MOB1B: variants seen among roughly 807,000 people sequenced by gnomAD.
The protein encoded by MOB1B is MOB kinase activator 1B, also known as MOB1 Mps One Binder homolog B.
MOB1B carries 19 observed loss-of-function variants against 24.4 expected under a neutral mutation model. The ratio of observed to expected loss-of-function variants is 0.78; its 90% confidence interval spans 0.54 to 1.14. MOB1B has a LOEUF of 1.14. Ranked by LOEUF, MOB1B falls within the 50% of genes most tolerant of loss-of-function variation. The pLI, the probability that MOB1B is intolerant of heterozygous loss-of-function variation, is 0.00. For synonymous variants in MOB1B, 76 were observed against 82.1 expected, an observed-to-expected ratio of 0.93 and a Z score of 0.40; for missense variants, 243 against 259.6, an observed-to-expected ratio of 0.94 and a Z score of 0.44.
At chr4:70,976,753 C>CATATATACATATATATATATATATAT (rs1553939768) in intron 4 of MOB1B, 6 of 181,616 alleles carry the variant, frequency 3.3e-5, no homozygotes, top group African/African-American at 1.8e-4. Flanking sequence ...GACTGAATTA[C>CATATATACATATATATATATATATAT]ATATATATAT....
intron 1 of MOB1B, among the ~76,000 whole-genome samples, chr4:70,908,184 C>T (rs1440200757): frequency 6.6e-6 from 1 of 151,542 alleles, no homozygotes; most frequent in African/African-American, 2.4e-5. Context: ...CACCACCATG[C>T]CCGGCTACTT....
chr4:70,903,129 C>T (rs901979003), intron 1 of MOB1B, among the ~76,000 whole-genome samples: 1 of 152,144 alleles, frequency 6.6e-6, no homozygotes, highest in Non-Finnish European at 1.5e-5. Context: ...TGGACACAGA[C>T]GGGGGTCCCT....
At chr4:70,968,045 C>G (rs115239733) in intron 2 of MOB1B, among the ~76,000 whole-genome samples, 1 of 152,102 alleles carries the variant, frequency 6.6e-6, no homozygotes, top group South Asian at 2.1e-4. Context: ...TGGGATTTTA[C>G]TGTGTTGCCC....
chr4:70,901,963 G>A (rs768073558), upstream of MOB1B, among the ~76,000 whole-genome samples: 88 of 152,266 alleles, frequency 5.8e-4, no homozygotes, highest in Admixed American at 2.0e-3. Flanking sequence ...CACCGCCCTT[G>A]GCCGGACACT....
intron 2 of MOB1B, among the ~76,000 whole-genome samples, chr4:70,966,913 T>C (rs1006574375): frequency 6.6e-6 from 1 of 151,466 alleles, no homozygotes; most frequent in Admixed American, 6.6e-5. Flanking sequence ...TTAGCCAAAA[T>C]CAAGGAGAAA....
At chr4:70,949,199 G>C (rs924309193) in intron 1 of MOB1B, among the ~76,000 whole-genome samples, 4 of 152,182 alleles carry the variant, frequency 2.6e-5, no homozygotes, top group African/African-American at 7.2e-5. Flanking sequence ...ATAGCAGATA[G>C]TGTTCTTTCT....
At chr4:70,954,100 T>G (rs1276175236) in intron 1 of MOB1B, among the ~76,000 whole-genome samples, 1 of 152,202 alleles carries the variant, frequency 6.6e-6, no homozygotes, top group Non-Finnish European at 1.5e-5. Flanking sequence ...AATTTTCTTT[T>G]AAACTTGATG....
At chr4:70,953,749 G>A (rs1457554105) in intron 1 of MOB1B, among the ~76,000 whole-genome samples, 1 of 152,156 alleles carries the variant, frequency 6.6e-6, no homozygotes, top group Non-Finnish European at 1.5e-5. Flanking sequence ...TTCGAGACTA[G>A]CCTGAACAAC....
At chr4:70,936,547 A>T (rs769673720) in intron 1 of MOB1B, among the ~76,000 whole-genome samples, 13 of 151,908 alleles carry the variant, frequency 8.6e-5, no homozygotes, top group African/African-American at 1.2e-4. Flanking sequence ...GAGTTTTTTG[A>T]CCTGCTCCAG....
intron 1 of MOB1B, among the ~76,000 whole-genome samples, chr4:70,919,544 G>A (rs904854617): frequency 6.6e-6 from 1 of 152,210 alleles, no homozygotes; most frequent in African/African-American, 2.4e-5. Flanking sequence ...TGTTGCCCAG[G>A]CTGGAGTGCA....
intron 1 of MOB1B, among the ~76,000 whole-genome samples, chr4:70,904,683 C>T (rs1735667344): frequency 6.7e-6 from 1 of 149,156 alleles, no homozygotes; most frequent in Non-Finnish European, 1.5e-5. Flanking sequence ...CACTTGAACC[C>T]GGGAGGTAGA....
At chr4:70,939,828 C>G (rs1285157260) in intron 1 of MOB1B, among the ~76,000 whole-genome samples, 5 of 152,164 alleles carry the variant, frequency 3.3e-5, no homozygotes, top group Non-Finnish European at 7.3e-5. Context: ...GAGTTCTTGC[C>G]TTGGTGTACA....
chr4:70,940,474 T>A (rs898731388), intron 1 of MOB1B, among the ~76,000 whole-genome samples: 27 of 152,126 alleles, frequency 1.8e-4, no homozygotes, highest in African/African-American at 6.3e-4. Flanking sequence ...ATATCTGTTA[T>A]GTGTTTTCCT....
intron 1 of MOB1B, among the ~76,000 whole-genome samples, chr4:70,929,964 A>G (rs1456435873): frequency 2.0e-5 from 3 of 152,222 alleles, no homozygotes; most frequent in Admixed American, 6.5e-5. Flanking sequence ...TATGTTGCCC[A>G]GGGTGGTCTT....
chr4:70,948,049 G>T (rs1737657223), intron 1 of MOB1B, among the ~76,000 whole-genome samples: 1 of 152,146 alleles, frequency 6.6e-6, no homozygotes, highest in African/African-American at 2.4e-5. Context: ...AAGTTTTATA[G>T]TATTGTGTTG....
rs1199091845 is a variant in MOB1B, at chr4:70,981,858, AT to A, written c.574-121del. On this transcript the variant is annotated intron_variant, in intron 5 of 5. Coordinates refer to ENST00000309395, the MANE Select transcript of MOB1B (RefSeq NM_173468.4). ...CACAGACCTAGTGAACAAGAAAAAA[AT>A]AATCTACTTTTATGTACTTCAAAAG... 81 of 657,598 alleles carry A rather than the reference AT, an allele frequency of 1.2e-4. No individual in the cohort carries two copies. In the East Asian group the frequency reaches 2.2e-3, roughly 18 times the overall value. 40.7% of individuals were successfully genotyped at this position (657,598 alleles called of 1,614,324 possible).
intron 1 of MOB1B, 192 bp from the exon 2 acceptor site, chr4:70,958,682 T>A (rs1160801148): frequency 2.8e-6 from 2 of 713,666 alleles, no homozygotes; most frequent in African/African-American, 3.4e-5. Flanking sequence ...AGCTTAAAAA[T>A]TTTTCTTTTT....
intron 1 of MOB1B, among the ~76,000 whole-genome samples, chr4:70,946,084 C>CTTTTT (rs11331194): frequency 4.7e-5 from 4 of 85,390 alleles, no homozygotes; most frequent in African/African-American, 1.6e-4. Context: ...TTTGTTTGTT[C>CTTTTT]TTTTTTTTTT....
intron 1 of MOB1B, among the ~76,000 whole-genome samples, chr4:70,934,929 GATTA>G (rs1426083111): frequency 6.6e-6 from 1 of 151,160 alleles, no homozygotes; most frequent in Admixed American, 6.6e-5. Flanking sequence ...TAATTTTTAA[GATTA>G]ATTATTATTA....
Sources: allele counts gnomAD v4.1 joint callset (sites outside exome capture counted in the v4.1 genomes callset), GRCh38; gene constraint gnomAD v4.1.1; transcripts MANE v1.5; gene names NCBI Gene and HGNC (gene_info 2026-07-23, HGNC 2026-07-21).